The following NRG2 variants were observed in gnomAD, a reference collection of about 807,000 sequenced individuals.
NRG2 encodes the protein pro-neuregulin-2, membrane-bound isoform.
NRG2 carries 27 observed loss-of-function variants against 73.9 expected under a neutral mutation model. That is an observed-to-expected ratio of 0.37 (90% confidence interval 0.27 to 0.50). The LOEUF (loss-of-function observed/expected upper bound fraction) is 0.50. Among genes scored for constraint, NRG2 ranks in the 20% least tolerant of loss-of-function variants. NRG2 has a pLI of 0.96. For synonymous variants in NRG2, 532 were observed against 541.0 expected (o/e 0.98, Z 0.23); for missense variants, 1,126 against 1,210.1 (o/e 0.93, Z 1.03).
At position 139,851,783 on chromosome 5, in the gene NRG2, A is replaced by G; in HGVS notation, c.1593T>C (p.Ser531=). The G allele has an allele frequency of 6.2e-7, 1 of 1,614,224 alleles. No homozygotes were observed. The change falls in exon 9 of 10, where the codon TCT becomes TCC. Residue 531 remains serine, a synonymous_variant. Transcript: ENST00000361474. This position sits in a 1 kb window ranked among gnomAD's most constrained non-coding sequence, Gnocchi z 4.2. ...ATAGCATGATCCCCGACTGGGAGTCAGAAGTCAGGCTCTCAGAACGTTCCA... is the reference window on the plus strand; with the variant it reads ...ATAGCATGATCCCCGACTGGGAGTCGGAAGTCAGGCTCTCAGAACGTTCCA... The part of the protein sequence containing the change: ...WSLERSESLT[S]DSQSGIMLSS...
intron 1 of NRG2, among the ~76,000 whole-genome samples, chr5:139,916,320 A>G (rs1031778050): frequency 1.2e-4 from 18 of 152,180 alleles, no homozygotes; most frequent in African/African-American, 4.3e-4. Flanking sequence ...TCACTGCTCA[A>G]CTTGGCATTT....
intron 1 of NRG2, among the ~76,000 whole-genome samples, chr5:140,006,063 C>A (rs1263232188): frequency 6.6e-6 from 1 of 152,180 alleles, no homozygotes; most frequent in Non-Finnish European, 1.5e-5. Context: ...TTGCCCCATT[C>A]CTGGGGCAAA....
At position 139,868,241 on chromosome 5, in the gene NRG2, G is replaced by C. The variant is rs1172654272; in HGVS notation, c.1113-2616C>G. On this transcript the variant is annotated intron_variant, in intron 4 of 9. Coordinates refer to ENST00000361474, the MANE Select transcript of NRG2 (RefSeq NM_004883.3). This position sits in a 1 kb window ranked among gnomAD's most constrained non-coding sequence, Gnocchi z 4.2. The stretch of plus-strand genomic sequence containing the variant: ...CCTTAGTCCTGTTTGCTGAGGATGA[G>C]TCACATTCAGGAGACTGGGGCTTCC... Among the ~76,000 whole-genome samples the C allele has an allele frequency of 1.3e-5, 2 of 152,144 alleles. No homozygotes were observed. The highest frequency in any genetic ancestry group is 2.9e-5 in the Non-Finnish European group (2 of 68,026).
At chr5:139,857,458 C>G (rs1761879411) in intron 5 of NRG2, among the ~76,000 whole-genome samples, 1 of 152,118 alleles carries the variant, frequency 6.6e-6, no homozygotes, top group Non-Finnish European at 1.5e-5. Context: ...TCCCCTCACT[C>G]CATGGTGTTA....
chr5:140,015,167 T>C lies in NRG2; in HGVS notation c.700+27203A>G, dbSNP rs571986491. ...ATTACCTCCCTCCATTTTTTTTTCT[T>C]ATAATATTTATAACTTTCTAAATAT... is the stretch of plus-strand genomic sequence containing the variant. On this transcript the variant is annotated intron_variant, in intron 1 of 9. Transcript: ENST00000361474. Among the ~76,000 whole-genome samples the C allele has an allele frequency of 3.9e-5, 6 of 152,290 alleles. No individual in the cohort carries two copies. The South Asian group carries it at 1.2e-3, about 32-fold the overall frequency.
intron 1 of NRG2, among the ~76,000 whole-genome samples, chr5:139,927,975 G>A (rs1443768433): frequency 1.3e-5 from 2 of 151,928 alleles, no homozygotes; most frequent in Non-Finnish European, 2.9e-5. Context: ...ATGGGTGCTA[G>A]GCCCTTACTC....
At chr5:140,000,910 C>T (rs1389529078) in intron 1 of NRG2, among the ~76,000 whole-genome samples, 2 of 152,220 alleles carry the variant, frequency 1.3e-5, no homozygotes, top group East Asian at 1.9e-4. Context: ...CTTCTTACCA[C>T]CTACAGAATG....
rs1761451962 is a variant in NRG2, at chr5:139,851,797, C to T, written c.1579G>A (p.Glu527Lys). Residue 527 changes from glutamate to lysine, a missense_variant, in exon 9 of 10, where the codon GAG becomes AAG. Coordinates refer to ENST00000361474, the MANE Select transcript of NRG2 (RefSeq NM_004883.3). This position sits in a 1 kb window ranked among gnomAD's most constrained non-coding sequence, Gnocchi z 4.2. ...ESHTWSLERSESLTSDSQSGI... is the reference protein window; with the variant it reads ...ESHTWSLERSKSLTSDSQSGI... ...GACTGGGAGTCAGAAGTCAGGCTCTCAGAACGTTCCAGGCTCCACGTGTGG... is the reference window on the plus strand; with the variant it reads ...GACTGGGAGTCAGAAGTCAGGCTCTTAGAACGTTCCAGGCTCCACGTGTGG... The T allele has an allele frequency of 6.2e-7, 1 of 1,614,228 alleles. No homozygotes were observed. Among genetic ancestry groups the T allele is most frequent in the Non-Finnish European group, 8.5e-7 (1 of 1,180,030 alleles).
At chr5:139,848,745 C>A (rs942943603) in intron 9 of NRG2, 48 bp from the exon 10 acceptor site, 56 of 63,982 alleles carry the variant, frequency 8.8e-4, no homozygotes, top group Admixed American at 2.7e-3. Flanking sequence ...CGGGCCGGCG[C>A]GGGGGAGGGG....
chr5:139,992,788 C>G (rs1348496982), intron 1 of NRG2, among the ~76,000 whole-genome samples: 2 of 152,164 alleles, frequency 1.3e-5, no homozygotes, highest in Non-Finnish European at 2.9e-5. Context: ...CACGTGTGTC[C>G]CTTCCCAGCT....
chr5:139,988,271 C>G (rs1368007724), intron 1 of NRG2, among the ~76,000 whole-genome samples: 1 of 151,986 alleles, frequency 6.6e-6, no homozygotes, highest in East Asian at 1.9e-4. Context: ...CATACTCTTA[C>G]CATATAATCC....
chr5:140,025,183 C>T (rs1760591003), intron 1 of NRG2, among the ~76,000 whole-genome samples: 1 of 152,200 alleles, frequency 6.6e-6, no homozygotes, highest in Admixed American at 6.5e-5. Flanking sequence ...TCTGGGCCAC[C>T]TAAAAGCAGC....
intron 1 of NRG2, among the ~76,000 whole-genome samples, chr5:139,989,047 G>A (rs1426783946): frequency 6.6e-6 from 1 of 151,980 alleles, no homozygotes; most frequent in Non-Finnish European, 1.5e-5. Flanking sequence ...GTACAAGGAT[G>A]TTCATTTTAG....
intron 1 of NRG2, among the ~76,000 whole-genome samples, chr5:140,024,294 G>T (rs1760491242): frequency 1.3e-5 from 2 of 148,662 alleles, no homozygotes; most frequent in Non-Finnish European, 1.5e-5. Context: ...TCGCTTTGTC[G>T]CCCAGGCTGG....
chr5:140,017,837 G>C (rs1759918240), intron 1 of NRG2, among the ~76,000 whole-genome samples: 1 of 152,166 alleles, frequency 6.6e-6, no homozygotes, highest in Non-Finnish European at 1.5e-5. Context: ...AAAGGACTCA[G>C]TAGAGACGAA....
At chr5:139,867,346 G>A (rs903723528) in intron 4 of NRG2, among the ~76,000 whole-genome samples, 1 of 152,024 alleles carries the variant, frequency 6.6e-6, no homozygotes, top group African/African-American at 2.4e-5. Flanking sequence ...ATTGGGGGGT[G>A]GTGGAGGGCT....
chr5:139,992,105 T>A (rs966769000), intron 1 of NRG2, among the ~76,000 whole-genome samples: 1 of 152,354 alleles, frequency 6.6e-6, no homozygotes, highest in Middle Eastern at 3.4e-3. Flanking sequence ...TGATATTAAA[T>A]TATCCTATCT....
intron 9 of NRG2, among the ~76,000 whole-genome samples, chr5:139,849,109 G>T (rs1326383893): frequency 6.6e-6 from 1 of 152,072 alleles, no homozygotes; most frequent in Non-Finnish European, 1.5e-5. Flanking sequence ...AGACCCTTCC[G>T]CCAGTCCCAT....
intron 1 of NRG2, among the ~76,000 whole-genome samples, chr5:139,908,443 G>A (rs57144571): frequency 0.039 from 5,999 of 152,268 alleles, 418 homozygotes; most frequent in African/African-American, 0.14. Context: ...AGTGAAGACA[G>A]TGAAAATGGT....
Sources: gnomAD v4.1 joint callset for allele counts (sites outside exome capture counted in the v4.1 genomes callset) on GRCh38, gnomAD v4.1.1 for gene constraint, Gnocchi (gnomAD v3.1) non-coding constraint, MANE v1.5 for transcripts, NCBI Gene and HGNC (gene_info 2026-07-23, HGNC 2026-07-21) for gene names.